The following SYT1 variants were observed in gnomAD, a reference collection of about 807,000 sequenced individuals.
The protein encoded by SYT1 is synaptotagmin 1, also known as synaptotagmin-1.
In SYT1, 8 loss-of-function variants were observed where a neutral mutation model predicts 44.8. That is an observed-to-expected ratio of 0.18 (90% confidence interval 0.10 to 0.32). SYT1 has a LOEUF of 0.32. SYT1 is among the 10% of genes least tolerant of loss of function. The probability of loss-of-function intolerance (pLI) is 1.00; values close to 1 mark genes in which losing one functional copy is unlikely to be tolerated. For missense variants in SYT1, 286 were observed against 509.3 expected (o/e 0.56, Z 4.22); for synonymous variants, 154 against 188.8 (o/e 0.82, Z 1.51).
Position 79,190,014 on chromosome 12 carries a change from T to A in SYT1, c.-17-27489T>A, listed in dbSNP as rs1473530046. Among the ~76,000 whole-genome samples the A allele has an allele frequency of 2.0e-5, 3 of 152,178 alleles. No homozygotes were observed. The East Asian group carries it at 5.8e-4, about 29-fold the overall frequency. On this transcript the variant is annotated intron_variant, in intron 3 of 10. Transcript: ENST00000261205. ...TTTCCCCCAGAGTTCACTCTTTTAA[T>A]CACTGGACTGTATTTTGCCTTCCAC...
intron 1 of SYT1, among the ~76,000 whole-genome samples, chr12:78,943,390 C>A (rs563333928): frequency 6.6e-6 from 1 of 152,282 alleles, no homozygotes; most frequent in African/African-American, 2.4e-5. Flanking sequence ...GGGGAGCAGG[C>A]ACCTCACATG....
chr12:79,014,261 A>AT (rs1375464225), intron 2 of SYT1, among the ~76,000 whole-genome samples: 1 of 151,930 alleles, frequency 6.6e-6, no homozygotes. Flanking sequence ...AGTACAATTT[A>AT]TTTTTTCTGA....
chr12:78,865,568 G>T (rs1226418966), intron 1 of SYT1, among the ~76,000 whole-genome samples: 3 of 119,720 alleles, frequency 2.5e-5, no homozygotes, highest in Non-Finnish European at 5.7e-5. Context: ...GGGATATGGG[G>T]GGGGGGGGGA....
chr12:79,333,168 C>T (rs1881933141), intron 8 of SYT1, among the ~76,000 whole-genome samples: 1 of 152,112 alleles, frequency 6.6e-6, no homozygotes, highest in Non-Finnish European at 1.5e-5. Flanking sequence ...GGCTCATAAA[C>T]AACAAAAATT....
intron 2 of SYT1, among the ~76,000 whole-genome samples, chr12:78,995,460 C>G (rs1433603137): frequency 1.3e-5 from 2 of 152,152 alleles, no homozygotes; most frequent in African/African-American, 4.8e-5. Flanking sequence ...TGCTACTCAC[C>G]TAACAATTTG....
intron 8 of SYT1, among the ~76,000 whole-genome samples, chr12:79,345,675 G>T (rs534720890): frequency 1.3e-5 from 2 of 152,156 alleles, no homozygotes; most frequent in African/African-American, 4.8e-5. Flanking sequence ...TGTAAATACC[G>T]ATTTGGCAGA....
At chr12:79,187,126 C>A (rs1165360486) in intron 3 of SYT1, among the ~76,000 whole-genome samples, 4 of 152,018 alleles carry the variant, frequency 2.6e-5, no homozygotes, top group African/African-American at 9.7e-5. Flanking sequence ...CCTTACAGCA[C>A]AAGGTATCTC....
At chr12:79,384,793 C>T (rs7309174) in intron 9 of SYT1, among the ~76,000 whole-genome samples, 50 of 152,138 alleles carry the variant, frequency 3.3e-4, no homozygotes, top group African/African-American at 1.1e-3. Flanking sequence ...TGTGAAAAAA[C>T]GTCATCACTT....
chr12:78,915,832 G>A (rs958855290), intron 1 of SYT1, among the ~76,000 whole-genome samples: 1 of 151,902 alleles, frequency 6.6e-6, no homozygotes, highest in Non-Finnish European at 1.5e-5. Flanking sequence ...TGATGAGAAA[G>A]AAAACCACTA....
chr12:78,935,660 T>C (rs1166896230), intron 1 of SYT1, among the ~76,000 whole-genome samples: 7 of 152,138 alleles, frequency 4.6e-5, no homozygotes, highest in Non-Finnish European at 1.0e-4. Flanking sequence ...CCGTTCATGT[T>C]AATCCTTTCT....
chr12:78,993,120 A>G (rs1870133330), intron 2 of SYT1, among the ~76,000 whole-genome samples: 1 of 152,160 alleles, frequency 6.6e-6, no homozygotes, highest in Non-Finnish European at 1.5e-5. Flanking sequence ...TAATTACTTA[A>G]AGCCTGTATT....
chr12:79,013,596 T>A (rs145549599), intron 2 of SYT1, among the ~76,000 whole-genome samples: 148 of 152,306 alleles, frequency 9.7e-4, no homozygotes, highest in African/African-American at 3.4e-3. Flanking sequence ...TTTCACTATA[T>A]TTCCTGCGTT....
rs531153426 is a variant in SYT1, at chr12:79,075,887, A to G, written c.-18+28525A>G. Among the ~76,000 whole-genome samples, 7 of 152,338 alleles carry G rather than the reference A, an allele frequency of 4.6e-5. 1 individual carries two copies. Among genetic ancestry groups the G allele is most frequent in the African/African-American group, 1.7e-4 (7 of 41,596 alleles). On this transcript the variant is annotated intron_variant, in intron 3 of 10. Transcript: ENST00000261205. ...AGAAGTGAATATATATTAGATGATT[A>G]TAAATCACAAATTATATCAACCTTG... is the stretch of plus-strand genomic sequence containing the variant.
chr12:79,168,470 A>G (rs1871335173), intron 3 of SYT1, among the ~76,000 whole-genome samples: 1 of 152,136 alleles, frequency 6.6e-6, no homozygotes, highest in Non-Finnish European at 1.5e-5. Flanking sequence ...CGGCACACCC[A>G]GCACTAAACT....
At chr12:79,411,831 A>T (rs989807505) in intron 9 of SYT1, among the ~76,000 whole-genome samples, 3 of 151,900 alleles carry the variant, frequency 2.0e-5, no homozygotes, top group Non-Finnish European at 2.9e-5. Flanking sequence ...TACAAAGCAC[A>T]TCATTTTTAA....
At chr12:79,347,273 T>C (rs1882652773) in intron 8 of SYT1, among the ~76,000 whole-genome samples, 1 of 152,076 alleles carries the variant, frequency 6.6e-6, no homozygotes, top group Non-Finnish European at 1.5e-5. Context: ...GTTGATGGCT[T>C]ATAGCTCATA....
intron 2 of SYT1, among the ~76,000 whole-genome samples, chr12:78,984,995 A>G (rs1220207758): frequency 6.6e-6 from 1 of 152,010 alleles, no homozygotes; most frequent in Non-Finnish European, 1.5e-5. Flanking sequence ...AGAAAGATGC[A>G]TCAAGTGTGG....
At chr12:79,031,821 A>G (rs567195706) in intron 2 of SYT1, among the ~76,000 whole-genome samples, 2 of 151,140 alleles carry the variant, frequency 1.3e-5, no homozygotes, top group South Asian at 4.1e-4. Flanking sequence ...TCTAGAATAT[A>G]TGCCCACATA....
intron 3 of SYT1, among the ~76,000 whole-genome samples, chr12:79,175,858 G>C (rs1389316960): frequency 3.3e-5 from 5 of 151,972 alleles, no homozygotes; most frequent in Admixed American, 3.3e-4. Context: ...CCTGGGGGTT[G>C]GGGGGTAGCA....
Sources: gnomAD v4.1 joint callset for allele counts (sites outside exome capture counted in the v4.1 genomes callset) on GRCh38, gnomAD v4.1.1 for gene constraint, MANE v1.5 for transcripts, NCBI Gene and HGNC (gene_info 2026-07-23, HGNC 2026-07-21) for gene names.